Variants in PHEX observed in about 807,000 individuals in gnomAD.
PHEX encodes phosphate-regulating neutral endopeptidase PHEX.
In PHEX, 16 loss-of-function variants were observed where a neutral mutation model predicts 68.0. That is an observed-to-expected ratio of 0.24 (90% CI 0.16 to 0.36). The LOEUF is 0.36. Ranked by LOEUF, PHEX falls within the 10% of genes least tolerant of loss-of-function variation. The pLI is 1.00. For synonymous variants in PHEX, 208 were observed against 205.1 expected, an observed-to-expected ratio of 1.01 and a Z score of -0.12; for missense variants, 480 against 575.5, an observed-to-expected ratio of 0.83 and a Z score of 1.70.
intron 12 of PHEX, among the ~76,000 whole-genome samples, chrX:22,138,379 G>A (rs887669778): frequency 1.4e-4 from 16 of 112,703 alleles, no homozygotes; most frequent in African/African-American, 4.2e-4. Flanking sequence ...TTTTCTGCGG[G>A]GGCCTTCAGG....
chrX:22,073,635 GT>G lies in PHEX; in HGVS notation c.350-2726del, dbSNP rs1182752837. On this transcript the variant is annotated intron_variant, in intron 3 of 21. Transcript: ENST00000379374. ...AAAGTCTGAGGTTTGCTGTGCTATA[GT>G]TTTTTTTTTTTTTTTTTTTTTTTTT... Among the ~76,000 whole-genome samples, 244 of 53,191 alleles carry G rather than the reference GT, an allele frequency of 4.6e-3. 1 individual carries two copies. The highest frequency in any genetic ancestry group is 0.013 in the African/African-American group (171 of 12,998). The allele number at this position is 53,191 out of a possible 115,157, so 46.2% of individuals were successfully genotyped here. A position where few individuals can be genotyped will look rare whatever the true frequency, so the allele number is the denominator to read the frequency against.
intron 18 of PHEX, 115 bp downstream of exon 18, chrX:22,221,858 G>A (rs1373276971): frequency 1.5e-6 from 1 of 688,630 alleles, no homozygotes; most frequent in African/African-American, 2.1e-5. Context: ...AACAGCATCT[G>A]TCTTCCTTGG....
intron 12 of PHEX, among the ~76,000 whole-genome samples, chrX:22,136,011 C>T (rs953441443): frequency 1.6e-4 from 17 of 106,498 alleles, no homozygotes; most frequent in Non-Finnish European, 2.3e-4. Flanking sequence ...TGAAGTGGGT[C>T]CTTTCCTGGA....
chrX:22,205,972 G>T (rs1293160658), intron 15 of PHEX, among the ~76,000 whole-genome samples: 1 of 112,134 alleles, frequency 8.9e-6, no homozygotes, highest in Non-Finnish European at 1.9e-5. Flanking sequence ...TTTATTGGGG[G>T]TCAGCAGGGA....
intron 12 of PHEX, among the ~76,000 whole-genome samples, chrX:22,160,549 CAAA>C (rs35287011): frequency 2.9e-5 from 2 of 68,724 alleles, no homozygotes. Context: ...AACTCCGTCT[CAAA>C]AAAAAAAAAA....
chrX:22,202,499 A>G (rs948290446), intron 15 of PHEX, among the ~76,000 whole-genome samples: 1 of 112,170 alleles, frequency 8.9e-6, no homozygotes, highest in Admixed American at 9.5e-5. Flanking sequence ...TTCCAGTAAC[A>G]ACAAATGAGA....
intron 15 of PHEX, among the ~76,000 whole-genome samples, chrX:22,211,424 T>TTCATC (rs1165291287): frequency 2.7e-5 from 3 of 112,315 alleles, no homozygotes; most frequent in Non-Finnish European, 5.6e-5. Context: ...AGTGTTACTT[T>TTCATC]TCATCTCAAT....
rs762053867 is a variant in PHEX at position 22,054,371 on chromosome X, G to T, written c.349+7160G>T. 2.1e-4 allele frequency among the ~76,000 whole-genome samples: 24 copies of T among 111,751 alleles called. No individual in the cohort carries two copies. The South Asian group carries it at 8.6e-3, about 40-fold the overall frequency. On this transcript the variant is annotated intron_variant, in intron 3 of 21. Coordinates refer to ENST00000379374, the MANE Select transcript of PHEX (RefSeq NM_000444.6). Reference sequence around the variant, plus strand: ...GCTGGTCTTGAACTCTTGACCTCAGGTGATCCGCCCACCTCAGCCTCCCAA... The same window carrying T: ...GCTGGTCTTGAACTCTTGACCTCAGTTGATCCGCCCACCTCAGCCTCCCAA...
intron 12 of PHEX, among the ~76,000 whole-genome samples, chrX:22,153,644 A>T (rs1602341869): frequency 9.0e-6 from 1 of 110,651 alleles, no homozygotes; most frequent in African/African-American, 3.3e-5. Flanking sequence ...AAAATCTGCA[A>T]CTCTAATAGA....
At chrX:22,153,367 A>G (rs1258116076) in intron 12 of PHEX, among the ~76,000 whole-genome samples, 1 of 112,124 alleles carries the variant, frequency 8.9e-6, no homozygotes, top group Non-Finnish European at 1.9e-5. Context: ...CATGGTAGAC[A>G]TAATTCATAA....
intron 15 of PHEX, among the ~76,000 whole-genome samples, chrX:22,205,865 T>A (rs1934696094): frequency 8.9e-6 from 1 of 111,999 alleles, no homozygotes. Flanking sequence ...ATTAAATTAG[T>A]TCAATATTCT....
At chrX:22,132,860 C>T (rs1251017377) in intron 11 of PHEX, among the ~76,000 whole-genome samples, 1 of 108,439 alleles carries the variant, frequency 9.2e-6, no homozygotes, top group Non-Finnish European at 1.9e-5. Context: ...ACATTATTCT[C>T]ATGGAAAGAA....
chrX:22,196,194 T>C (rs1415371904), intron 15 of PHEX, among the ~76,000 whole-genome samples: 1 of 111,523 alleles, frequency 9.0e-6, no homozygotes, highest in Non-Finnish European at 1.9e-5. Context: ...ACAACAAAAA[T>C]GTATGCTTTT....
chrX:22,049,573 T>C (rs1204041694), intron 3 of PHEX, among the ~76,000 whole-genome samples: 1 of 111,234 alleles, frequency 9.0e-6, no homozygotes, highest in East Asian at 2.9e-4. Flanking sequence ...CAAATTGCCT[T>C]TTAGAAAGTT....
At chrX:22,095,930 A>G (rs1419276082) in intron 7 of PHEX, among the ~76,000 whole-genome samples, 1 of 111,971 alleles carries the variant, frequency 8.9e-6, no homozygotes, top group African/African-American at 3.2e-5. Flanking sequence ...TAACCAATCC[A>G]GCTAGAGAGA....
intron 13 of PHEX, among the ~76,000 whole-genome samples, chrX:22,176,398 A>T (rs1438004570): frequency 4.5e-4 from 31 of 68,167 alleles, no homozygotes; most frequent in East Asian, 1.9e-3. Flanking sequence ...AAAAAAAAAA[A>T]AAAAATATAT....
intron 13 of PHEX, among the ~76,000 whole-genome samples, chrX:22,174,063 G>T (rs1380833788): frequency 8.9e-6 from 1 of 111,857 alleles, no homozygotes; most frequent in Non-Finnish European, 1.9e-5. Context: ...TTTAGTCTGT[G>T]GATCTGGGAT....
intron 3 of PHEX, among the ~76,000 whole-genome samples, chrX:22,070,541 C>T (rs1569378189): frequency 9.0e-6 from 1 of 111,720 alleles, no homozygotes; most frequent in Admixed American, 9.5e-5. Flanking sequence ...AACAATTAGC[C>T]ACGGTGTGGT....
intron 3 of PHEX, among the ~76,000 whole-genome samples, chrX:22,075,544 A>G (rs1255182593): frequency 9.0e-6 from 1 of 110,552 alleles, no homozygotes; most frequent in Non-Finnish European, 1.9e-5. Context: ...GGGATTTTTC[A>G]TCTTGGCTTC....
Sources: gnomAD v4.1 joint callset for allele counts (sites outside exome capture counted in the v4.1 genomes callset) on GRCh38, gnomAD v4.1.1 for gene constraint, MANE v1.5 for transcripts, NCBI Gene and HGNC (gene_info 2026-07-23, HGNC 2026-07-21) for gene names.